Variants in NBEA observed in about 807,000 individuals in gnomAD.
NBEA encodes lysosomal-trafficking regulator 2.
In NBEA, 44 loss-of-function variants were observed where a neutral mutation model predicts 343.4. The ratio of observed to expected loss-of-function variants is 0.13; its 90% CI spans 0.10 to 0.16. The LOEUF (loss-of-function observed/expected upper bound fraction) is 0.16. NBEA is among the 10% of genes least tolerant of loss of function. The pLI, the probability that NBEA is intolerant of heterozygous loss-of-function variation, is 1.00. For synonymous variants in NBEA, 1,175 were observed against 1,238.7 expected, an observed-to-expected ratio of 0.95 and a Z score of 1.08; for missense variants, 2,555 against 3,631.3, an observed-to-expected ratio of 0.70 and a Z score of 7.62.
chr13:35,181,078 G>A (rs773793341), intron 28 of NBEA, among the ~76,000 whole-genome samples: 1 of 151,878 alleles, frequency 6.6e-6, no homozygotes, highest in Non-Finnish European at 1.5e-5. Context: ...ATTGATTGAT[G>A]GGCATTTGTG....
intron 53 of NBEA, among the ~76,000 whole-genome samples, chr13:35,654,257 A>T (rs1329705644): frequency 6.6e-6 from 1 of 152,018 alleles, no homozygotes; most frequent in Non-Finnish European, 1.5e-5. Flanking sequence ...TCCCTCTCTC[A>T]TCTTTTTTGT....
At chr13:35,352,898 T>C (rs1017244269) in intron 38 of NBEA, among the ~76,000 whole-genome samples, 1 of 152,168 alleles carries the variant, frequency 6.6e-6, no homozygotes, top group African/African-American at 2.4e-5. Flanking sequence ...CCTAAAGTTT[T>C]GTGGACATAC....
intron 38 of NBEA, among the ~76,000 whole-genome samples, chr13:35,421,694 T>G (rs1227403575): frequency 1.3e-5 from 2 of 152,096 alleles, no homozygotes; most frequent in Non-Finnish European, 2.9e-5. Context: ...AGCCTTTCTT[T>G]TAGACTAGCT....
chr13:35,475,077 T>A (rs1471502519), intron 41 of NBEA: 1 of 1,612,328 alleles, frequency 6.2e-7, no homozygotes, highest in South Asian at 1.1e-5. Flanking sequence ...TTTCCAAACT[T>A]TTCGGGTTGG....
chr13:34,975,443 C>T (rs2060133966), intron 1 of NBEA, among the ~76,000 whole-genome samples: 1 of 152,078 alleles, frequency 6.6e-6, no homozygotes. Context: ...TATCTTTCAC[C>T]TTATACTTGA....
At chr13:35,056,618 C>A (rs901885799) in intron 7 of NBEA, among the ~76,000 whole-genome samples, 37 of 152,184 alleles carry the variant, frequency 2.4e-4, no homozygotes, top group African/African-American at 8.7e-4. Flanking sequence ...TGGGGAACTT[C>A]TTCTATTCAG....
intron 17 of NBEA, among the ~76,000 whole-genome samples, chr13:35,139,661 C>A (rs907970631): frequency 6.8e-6 from 1 of 146,820 alleles, no homozygotes; most frequent in Non-Finnish European, 1.5e-5. Context: ...AGAGCTAGGT[C>A]TTTCATTAGA....
In NBEA at chr13:35,525,945, A is replaced by G. The variant is rs770215573; in HGVS notation, c.6586-24532A>G. ...TAGGGATTACAGATTAGGTTTTAGC[A>G]TATGAATTTCAGAGGGAAGGGAGAG... On this transcript the variant is annotated intron_variant, in intron 41 of 58. Coordinates refer to ENST00000379939, the MANE Select transcript of NBEA (RefSeq NM_001385012.1). Among the ~76,000 whole-genome samples the G allele has an allele frequency of 3.3e-5, 5 of 152,166 alleles. No individual in the cohort carries two copies. In the East Asian group the frequency reaches 5.8e-4, roughly 18 times the overall value.
At chr13:35,420,702 ATAT>A (rs1301118786) in intron 38 of NBEA, among the ~76,000 whole-genome samples, 3 of 151,918 alleles carry the variant, frequency 2.0e-5, no homozygotes, top group African/African-American at 7.2e-5. Flanking sequence ...AGAGTTGTTC[ATAT>A]TATCTTTTTC....
At chr13:35,647,321 G>A (rs1433172837) in intron 51 of NBEA, among the ~76,000 whole-genome samples, 3 of 151,994 alleles carry the variant, frequency 2.0e-5, no homozygotes, top group Admixed American at 2.0e-4. Flanking sequence ...AAGACAACAA[G>A]TACTCTAATT....
chr13:35,097,818 A>G (rs997514297), intron 10 of NBEA, among the ~76,000 whole-genome samples: 5 of 151,954 alleles, frequency 3.3e-5, no homozygotes, highest in African/African-American at 4.8e-5. Context: ...TTTTTAATGA[A>G]AGGTTTTTGA....
intron 10 of NBEA, among the ~76,000 whole-genome samples, chr13:35,082,017 TTA>T: frequency 1.3e-5 from 2 of 152,260 alleles, no homozygotes; most frequent in Middle Eastern, 6.8e-3. Flanking sequence ...GCTGCACCCA[TTA>T]ACTCGTCATT....
intron 38 of NBEA, among the ~76,000 whole-genome samples, chr13:35,425,574 A>T (rs868855560): frequency 6.6e-6 from 1 of 152,056 alleles, no homozygotes; most frequent in South Asian, 2.1e-4. Flanking sequence ...CAACTATGTG[A>T]TCAATTTTGG....
chr13:35,151,042 G>A (rs1276604679), intron 18 of NBEA, among the ~76,000 whole-genome samples: 2 of 150,370 alleles, frequency 1.3e-5, no homozygotes, highest in Non-Finnish European at 2.9e-5. Flanking sequence ...TTGAACCTGG[G>A]AGGCAGAGGT....
intron 7 of NBEA, among the ~76,000 whole-genome samples, chr13:35,056,466 C>T (rs2152566320): frequency 6.6e-6 from 1 of 152,092 alleles, no homozygotes; most frequent in Non-Finnish European, 1.5e-5. Context: ...AGAAGTATAA[C>T]AGATAGTCAC....
intron 41 of NBEA, among the ~76,000 whole-genome samples, chr13:35,524,575 A>T (rs1320839385): frequency 6.6e-6 from 1 of 152,210 alleles, no homozygotes; most frequent in Non-Finnish European, 1.5e-5. Context: ...TTCAAGTCAG[A>T]TTGGTATATT....
intron 8 of NBEA, among the ~76,000 whole-genome samples, chr13:35,060,022 T>C (rs2063410262): frequency 6.6e-6 from 1 of 151,798 alleles, no homozygotes; most frequent in South Asian, 2.1e-4. Flanking sequence ...GGTTCTGCCA[T>C]TGTTGATCTT....
At chr13:35,426,950 C>T (rs896798245) in intron 38 of NBEA, among the ~76,000 whole-genome samples, 1 of 152,224 alleles carries the variant, frequency 6.6e-6, no homozygotes, top group Admixed American at 6.5e-5. Flanking sequence ...CTGCATTCGT[C>T]ACGTAGTTCT....
chr13:35,478,475 T>C (rs759206994), intron 41 of NBEA, among the ~76,000 whole-genome samples: 1 of 152,224 alleles, frequency 6.6e-6, no homozygotes, highest in Non-Finnish European at 1.5e-5. Flanking sequence ...AAACGCCGCC[T>C]TCTGCCCTCA....
Sources: gnomAD v4.1 joint callset for allele counts (sites outside exome capture counted in the v4.1 genomes callset) on GRCh38, gnomAD v4.1.1 for gene constraint, MANE v1.5 for transcripts, NCBI Gene and HGNC (gene_info 2026-07-23, HGNC 2026-07-21) for gene names.